The following CFAP57 variants were observed in gnomAD, a reference collection of about 807,000 sequenced individuals.
The protein encoded by CFAP57 is cilia- and flagella-associated protein 57.
CFAP57 carries 116 observed loss-of-function variants against 146.8 expected under a neutral mutation model. The observed-to-expected ratio is 0.79, with a 90% CI of 0.68 to 0.92. The LOEUF (loss-of-function observed/expected upper bound fraction) is 0.92. Ranked by LOEUF, CFAP57 falls within the 40% of genes least tolerant of loss-of-function variation. CFAP57 has a pLI of 0.00. For missense variants in CFAP57, 1,377 were observed against 1,527.2 expected, an observed-to-expected ratio of 0.90 and a Z score of 1.64; for synonymous variants, 518 against 552.8, an observed-to-expected ratio of 0.94 and a Z score of 0.88.
At chr1:43,172,701 C>T (rs202073004) in intron 1 of CFAP57, 34 bp from the exon 2 acceptor site, 18 of 1,611,198 alleles carry the variant, frequency 1.1e-5, no homozygotes, top group East Asian at 2.2e-5. Flanking sequence ...GGGCGGTGCT[C>T]TCCACTCTGA....
chr1:43,195,160 T>C (rs887809199), intron 6 of CFAP57, among the ~76,000 whole-genome samples: 1 of 151,810 alleles, frequency 6.6e-6, no homozygotes, highest in Non-Finnish European at 1.5e-5. Flanking sequence ...AAATAGAGAG[T>C]GCATGTACCT....
intron 22 of CFAP57, among the ~76,000 whole-genome samples, chr1:43,248,894 T>G (rs1646220684): frequency 6.6e-6 from 1 of 151,790 alleles, no homozygotes; most frequent in Non-Finnish European, 1.5e-5. Flanking sequence ...TTTAATTTTA[T>G]TTTTTGAGAT....
intron 9 of CFAP57, 51 bp from the exon 10 acceptor site, chr1:43,206,669 G>C (rs1644369851): frequency 6.3e-7 from 1 of 1,598,362 alleles, no homozygotes; most frequent in Admixed American, 1.7e-5. Context: ...TTCTGTGTTA[G>C]GGTGTAAGTG....
At chr1:43,182,442 A>C (rs1302188378) in intron 3 of CFAP57, among the ~76,000 whole-genome samples, 1 of 152,162 alleles carries the variant, frequency 6.6e-6, no homozygotes, top group Non-Finnish European at 1.5e-5. Flanking sequence ...CAATTCCACA[A>C]GTTCAACGAC....
At chr1:43,210,129 T>TA in intron 11 of CFAP57, 1 of 1,607,204 alleles carries the variant, frequency 6.2e-7, no homozygotes, top group South Asian at 1.1e-5. Context: ...GAGATACACC[T>TA]AAAAATGTAT....
At chr1:43,208,846 G>T (rs1644472565) in intron 10 of CFAP57, among the ~76,000 whole-genome samples, 1 of 148,804 alleles carries the variant, frequency 6.7e-6, no homozygotes, top group Non-Finnish European at 1.5e-5. Context: ...GTGGGTGAAT[G>T]AGTGCATGAA....
At chr1:43,183,952 G>A in intron 4 of CFAP57, 75 bp downstream of exon 4, 1 of 1,586,636 alleles carries the variant, frequency 6.3e-7, no homozygotes. Context: ...GCACTCTTTA[G>A]AAACCACTCA....
Position 43,197,566 on chromosome 1 carries a change from A to C in CFAP57, c.1136A>C (p.His379Pro). ...LTEISKGEPAHFEYLMYPLHS... is the reference protein window; with the variant it reads ...LTEISKGEPAPFEYLMYPLHS... ...TGATTTCTCTAGGGGGAGCCTGCTC[A>C]CTTTGAGTATTTGATGTATCCATTG... The change falls in exon 7 of 23, where the codon CAC becomes CCC. Residue 379 changes from histidine (H) to proline (P), a missense_variant. Coordinates refer to ENST00000372492, the MANE Select transcript of CFAP57 (RefSeq NM_001378189.1). 2.5e-6 allele frequency: 4 copies of C among 1,614,090 alleles called. No homozygotes were observed. Among genetic ancestry groups the C allele is most frequent in the Non-Finnish European group, 3.4e-6 (4 of 1,180,018 alleles).
intron 10 of CFAP57, among the ~76,000 whole-genome samples, chr1:43,208,380 GC>G (rs1445714714): frequency 1.3e-5 from 2 of 152,172 alleles, no homozygotes; most frequent in African/African-American, 4.8e-5. Context: ...ATTCACAATA[GC>G]AAAGACTTGG....
intron 10 of CFAP57, among the ~76,000 whole-genome samples, chr1:43,207,224 T>G (rs1644396425): frequency 1.3e-5 from 2 of 152,170 alleles, no homozygotes; most frequent in South Asian, 4.1e-4. Flanking sequence ...GGCATGGAGG[T>G]CATGTCATCT....
At chr1:43,224,316 T>C in intron 17 of CFAP57, 112 bp downstream of exon 17, 1 of 1,258,090 alleles carries the variant, frequency 7.9e-7, no homozygotes, top group Non-Finnish European at 1.1e-6. Flanking sequence ...TTCTTTAACT[T>C]GATGGGGGAA....
At position 43,215,337 on chromosome 1, in the gene CFAP57, A is replaced by G; in HGVS notation, c.2012A>G (p.Asp671Gly). Reference protein sequence around the residue: ...CLFTWKVFDKDGRGIKREREV... With the variant: ...CLFTWKVFDKGGRGIKREREV... The stretch of plus-strand genomic sequence containing the variant: ...TTCACCTGGAAGGTCTTTGATAAGG[A>G]TGGCCGGGGAATCAAGCGAGAGAGG... The change falls in exon 12 of 23, where the codon GAT becomes GGT. Residue 671 changes from aspartate to glycine, a missense_variant. By Grantham distance (94) the Asp-to-Gly change is moderately conservative (BLOSUM62 -1). Transcript: ENST00000372492. 1 of 1,551,228 alleles carries G rather than the reference A, an allele frequency of 6.4e-7. No individual in the cohort carries two copies. Among genetic ancestry groups the G allele is most frequent in the Non-Finnish European group, 8.7e-7 (1 of 1,147,104 alleles).
chr1:43,184,882 T>C (rs1645581157), intron 4 of CFAP57: 1 of 420,608 alleles, frequency 2.4e-6, no homozygotes, highest in Non-Finnish European at 4.5e-6. Flanking sequence ...GACTTCTTGG[T>C]TTGGCCCAAG....
chr1:43,182,933 A>G (rs1417680866), intron 3 of CFAP57, among the ~76,000 whole-genome samples: 1 of 152,240 alleles, frequency 6.6e-6, no homozygotes, highest in Non-Finnish European at 1.5e-5. Context: ...ATGGTACAAG[A>G]GTGATATGCA....
At chr1:43,193,296 CT>C (rs992963072) in intron 6 of CFAP57, among the ~76,000 whole-genome samples, 19 of 151,934 alleles carry the variant, frequency 1.3e-4, no homozygotes, top group African/African-American at 1.9e-4. Context: ...ATAATTTAAT[CT>C]TTTTTTATCC....
At chr1:43,204,458 A>C (rs1196194539) in intron 9 of CFAP57, among the ~76,000 whole-genome samples, 1 of 152,122 alleles carries the variant, frequency 6.6e-6, no homozygotes, top group East Asian at 1.9e-4. Context: ...ATTTTAGACA[A>C]TATATTGTAG....
At chr1:43,175,299 C>CTATATGTACATGTATATATACATAG (rs1645126411) in intron 2 of CFAP57, among the ~76,000 whole-genome samples, 3 of 151,730 alleles carry the variant, frequency 2.0e-5, no homozygotes, top group East Asian at 3.8e-4. Context: ...ACACCATATA[C>CTATATGTACATGTATATATACATAG]TATATGTACA....
chr1:43,215,982 C>A (rs1200515495), intron 12 of CFAP57, among the ~76,000 whole-genome samples: 1 of 152,140 alleles, frequency 6.6e-6, no homozygotes, highest in African/African-American at 2.4e-5. Context: ...AAGGGACATC[C>A]CTTCCTTCCT....
At chr1:43,203,725 C>G (rs906816640) in intron 9 of CFAP57, among the ~76,000 whole-genome samples, 15 of 152,132 alleles carry the variant, frequency 9.9e-5, no homozygotes, top group Non-Finnish European at 1.8e-4. Context: ...TCCCAAAGTG[C>G]TGGGATTACA....
Sources: gnomAD v4.1 joint callset for allele counts (sites outside exome capture counted in the v4.1 genomes callset) on GRCh38, gnomAD v4.1.1 for gene constraint, MANE v1.5 for transcripts, NCBI Gene and HGNC (gene_info 2026-07-23, HGNC 2026-07-21) for gene names.